The following TJP2 variants were observed in gnomAD, a reference collection of about 807,000 sequenced individuals.
TJP2 encodes the protein tight junction protein 2.
A neutral mutation model predicts 133.1 loss-of-function variants in TJP2; 91 were observed. That is an observed-to-expected ratio of 0.68 (90% confidence interval 0.58 to 0.81). The LOEUF is 0.81. Ranked by LOEUF, TJP2 falls within the 40% of genes least tolerant of loss-of-function variation. The probability of loss-of-function intolerance (pLI) is 0.00; values close to 1 mark genes in which losing one functional copy is unlikely to be tolerated. For synonymous variants in TJP2, 592 were observed against 583.4 expected, an observed-to-expected ratio of 1.01 and a Z score of -0.21; for missense variants, 1,541 against 1,565.6, an observed-to-expected ratio of 0.98 and a Z score of 0.26.
intron 2 of TJP2, among the ~76,000 whole-genome samples, chr9:69,155,800 C>T (rs1273881979): frequency 6.6e-6 from 1 of 152,166 alleles, no homozygotes; most frequent in Non-Finnish European, 1.5e-5. Context: ...CTGCCCTCAC[C>T]CCCTTAAGAG....
At chr9:69,237,206 C>T (rs1830252767) in intron 14 of TJP2, 70 bp downstream of exon 14, 5 of 1,573,616 alleles carry the variant, frequency 3.2e-6, no homozygotes, top group Middle Eastern at 1.9e-4. Context: ...TATTTTCAGA[C>T]TGTATGGTCA....
chr9:69,164,781 G>A (rs560533352), intron 2 of TJP2, among the ~76,000 whole-genome samples: 19 of 152,182 alleles, frequency 1.2e-4, no homozygotes, highest in Non-Finnish European at 2.1e-4. Context: ...TAGAGGGGCC[G>A]GAAAGCCGGG....
chr9:69,182,591 C>T (rs1350496402), intron 1 of TJP2, among the ~76,000 whole-genome samples: 5 of 152,014 alleles, frequency 3.3e-5, no homozygotes, highest in Non-Finnish European at 5.9e-5. Flanking sequence ...ACTCAATCTG[C>T]CAGACTTAGA....
At chr9:69,248,373 G>A (rs761221296) in intron 19 of TJP2, 149 bp downstream of exon 19, 25 of 1,444,782 alleles carry the variant, frequency 1.7e-5, no homozygotes, top group Middle Eastern at 3.6e-4. Context: ...TTGAGTCCAC[G>A]CTGGCATGGT....
intron 1 of TJP2, among the ~76,000 whole-genome samples, chr9:69,185,548 T>C (rs1199035081): frequency 1.3e-5 from 2 of 152,238 alleles, no homozygotes; most frequent in Non-Finnish European, 2.9e-5. Flanking sequence ...TTCAAGTCTG[T>C]AAGTTAATGT....
intron 2 of TJP2, among the ~76,000 whole-genome samples, chr9:69,166,904 T>C (rs1824386876): frequency 6.6e-6 from 1 of 152,068 alleles, no homozygotes; most frequent in Non-Finnish European, 1.5e-5. Context: ...GCCACTGCAC[T>C]CCAGCCTGGG....
In TJP2 at chr9:69,186,300, C is replaced by T. The variant is rs191661269; in HGVS notation, c.60+11868C>T. Among the ~76,000 whole-genome samples, 229 of 152,248 alleles carry T rather than the reference C, an allele frequency of 1.5e-3. 1 individual carries two copies. Among genetic ancestry groups the T allele is most frequent in the African/African-American group, 4.9e-3 (205 of 41,536 alleles). ...GGAGTGGTCAAGATGTATTGATTAACGTTTTAGGCATACTTCTGTAGTACT... is the reference window on the plus strand; with the variant it reads ...GGAGTGGTCAAGATGTATTGATTAATGTTTTAGGCATACTTCTGTAGTACT... On this transcript the variant is annotated intron_variant, in intron 1 of 22. Transcript: ENST00000377245.
Position 69,229,191 on chromosome 9 carries a change from A to G in TJP2, c.1461A>G (p.Gln487=), listed in dbSNP as rs751275822. 1 of 1,614,150 alleles carries G rather than the reference A, an allele frequency of 6.2e-7. No homozygotes were observed. The change falls in exon 10 of 23, where the codon CAA becomes CAG. Residue 487 remains glutamine (Q), a synonymous_variant. Coordinates refer to ENST00000377245, the MANE Select transcript of TJP2 (RefSeq NM_004817.4). ...PRYQEDPPAP[Q]PKAAPRTFLR... is the part of the protein sequence containing the mutation. ...ATGTTTCTTAACCTACAGCTCCTCA[A>G]CCAAAAGCAGCCCCGAGAACTTTTC...
In TJP2 at chr9:69,246,849, A is replaced by T. The variant is rs912903473; in HGVS notation, c.2667+59A>T. ...AGTCCCTGTTCTGAAACTTTTCTCA[A>T]GAGGGCAGTGAATGTAGTCAAGCCA... On this transcript the variant is annotated intron_variant, in intron 18 of 22. Transcript: ENST00000377245. The T allele has an allele frequency of 2.8e-6, 4 of 1,445,910 alleles. No individual in the cohort carries two copies. The African/African-American group carries it at 5.6e-5, about 20-fold the overall frequency. The allele number at this position is 1,445,910 out of a possible 1,614,324, so 89.6% of individuals were successfully genotyped here.
chr9:69,159,648 G>A (rs961779147), intron 2 of TJP2, among the ~76,000 whole-genome samples: 3 of 152,120 alleles, frequency 2.0e-5, no homozygotes, highest in African/African-American at 7.2e-5. Context: ...GGAGGCCAAG[G>A]TGGGCATATC....
At chr9:69,148,577 C>A (rs1423853860) in intron 1 of TJP2, among the ~76,000 whole-genome samples, 1 of 151,440 alleles carries the variant, frequency 6.6e-6, no homozygotes, top group Non-Finnish European at 1.5e-5. Context: ...ACCATGTTGG[C>A]CGGGCTAGTC....
At chr9:69,228,802 T>TTTCTCCCA (rs1829543048) in intron 9 of TJP2, among the ~76,000 whole-genome samples, 1 of 152,166 alleles carries the variant, frequency 6.6e-6, no homozygotes, top group African/African-American at 2.4e-5. Context: ...AGGTCATTGT[T>TTTCTCCCA]TTCTCCCATC....
intron 1 of TJP2, among the ~76,000 whole-genome samples, chr9:69,185,989 C>T (rs983114879): frequency 7.9e-5 from 12 of 151,096 alleles, no homozygotes; most frequent in Admixed American, 2.6e-4. Flanking sequence ...AGGATGGCCT[C>T]GATCTCCTGA....
intron 2 of TJP2, among the ~76,000 whole-genome samples, chr9:69,156,633 G>A (rs1341188045): frequency 7.0e-6 from 1 of 142,994 alleles, no homozygotes; most frequent in Non-Finnish European, 1.5e-5. Context: ...CCGGGTTCAC[G>A]CCATTCTCCT....
chr9:69,151,687 G>C, exon 2 of TJP2: 1 of 1,232,048 alleles, frequency 8.1e-7, no homozygotes, highest in Non-Finnish European at 1.0e-6. Context: ...CTCCCTGTGA[G>C]TGGGATTGGC....
intron 1 of TJP2, among the ~76,000 whole-genome samples, chr9:69,198,203 A>G: frequency 7.1e-6 from 1 of 140,204 alleles, no homozygotes; most frequent in African/African-American, 2.8e-5. Flanking sequence ...GTGCAGTGAC[A>G]CTATCTCAGC....
chr9:69,207,775 G>C (rs1003098497), intron 1 of TJP2, among the ~76,000 whole-genome samples: 5 of 152,228 alleles, frequency 3.3e-5, no homozygotes, highest in Admixed American at 6.5e-5. Flanking sequence ...CGGTGGCCTA[G>C]TTTGAATGTC....
At chr9:69,161,918 A>G (rs1278195287) in intron 2 of TJP2, among the ~76,000 whole-genome samples, 2 of 149,912 alleles carry the variant, frequency 1.3e-5, no homozygotes, top group Non-Finnish European at 3.0e-5. Context: ...GTGGTGGTGC[A>G]TGCCTGTAAT....
intron 1 of TJP2, chr9:69,145,441 C>T (rs370132244): frequency 2.5e-5 from 6 of 243,566 alleles, no homozygotes; most frequent in Middle Eastern, 1.3e-3. Flanking sequence ...TGTTTAAAAC[C>T]GCAGTCATTC....
Sources: allele counts gnomAD v4.1 joint callset (sites outside exome capture counted in the v4.1 genomes callset), GRCh38; gene constraint gnomAD v4.1.1; transcripts MANE v1.5; gene names NCBI Gene and HGNC (gene_info 2026-07-23, HGNC 2026-07-21).